ROCK1: variants seen among roughly 807,000 people sequenced by gnomAD.
ROCK1 encodes Rho associated coiled-coil containing protein kinase 1.
A neutral mutation model predicts 196.8 loss-of-function variants in ROCK1; 36 were observed. The observed-to-expected ratio is 0.18, with a 90% CI of 0.14 to 0.24. The LOEUF is 0.24. Ranked by LOEUF, ROCK1 falls within the 10% of genes least tolerant of loss-of-function variation. ROCK1 has a pLI of 1.00. For synonymous variants in ROCK1, 443 were observed against 515.9 expected, an observed-to-expected ratio of 0.86 and a Z score of 1.91; for missense variants, 920 against 1,562.0, an observed-to-expected ratio of 0.59 and a Z score of 6.93.
intron 29 of ROCK1, among the ~76,000 whole-genome samples, chr18:20,959,161 A>G (rs1435915547): frequency 2.7e-5 from 2 of 73,662 alleles, no homozygotes; most frequent in Non-Finnish European, 4.6e-5. Flanking sequence ...TATATATTAT[A>G]TATTATATAA....
chr18:21,107,585 G>A (rs1383051581), intron 1 of ROCK1, among the ~76,000 whole-genome samples: 1 of 152,134 alleles, frequency 6.6e-6, no homozygotes, highest in Non-Finnish European at 1.5e-5. Context: ...AGTCCAGATA[G>A]GGAAGAACAA....
intron 16 of ROCK1, among the ~76,000 whole-genome samples, chr18:21,003,255 G>A (rs116069164): frequency 7.9e-4 from 120 of 152,100 alleles, no homozygotes; most frequent in African/African-American, 2.2e-3. Context: ...TTCTTTAACC[G>A]AAAACAACAG....
intron 1 of ROCK1, among the ~76,000 whole-genome samples, chr18:21,091,325 C>T (rs1013868850): frequency 2.0e-5 from 3 of 151,532 alleles, no homozygotes; most frequent in Admixed American, 2.0e-4. Flanking sequence ...TATATAATAG[C>T]CAGGAATGGT....
intron 2 of ROCK1, among the ~76,000 whole-genome samples, chr18:21,050,586 G>T (rs1459493376): frequency 6.6e-6 from 1 of 152,032 alleles, no homozygotes; most frequent in Non-Finnish European, 1.5e-5. Context: ...GTCAACACTG[G>T]CATGAGATTA....
chr18:21,074,870 T>C (rs753790259), intron 1 of ROCK1, among the ~76,000 whole-genome samples: 5 of 151,782 alleles, frequency 3.3e-5, no homozygotes, highest in Non-Finnish European at 5.9e-5. Context: ...ACAGAGAAGA[T>C]GAAATTTGAG....
At position 20,982,838 on chromosome 18, in the gene ROCK1, G is replaced by A. The variant is rs759493671; in HGVS notation, c.2490-6C>T. ...CTTCATTTCCTCTATACTGTCTTCA[G>A]ATGAAAAGAAAAACAAGTGAACAAA... On this transcript the variant is annotated splice_region_variant and splice_polypyrimidine_tract_variant and intron_variant, in intron 20 of 32. Coordinates refer to ENST00000399799, the MANE Select transcript of ROCK1 (RefSeq NM_005406.3). The A allele has an allele frequency of 2.7e-6, 4 of 1,466,364 alleles. No individual in the cohort carries two copies. The South Asian group carries it at 4.8e-5, about 18-fold the overall frequency. The allele number at this position is 1,466,364 out of a possible 1,614,324, so 90.8% of individuals were successfully genotyped here.
chr18:20,986,175 T>TTA (rs1443052541), intron 19 of ROCK1, among the ~76,000 whole-genome samples: 1 of 152,060 alleles, frequency 6.6e-6, no homozygotes, highest in Non-Finnish European at 1.5e-5. Context: ...ATGGAAGTTT[T>TTA]AAAGAGTATC....
chr18:20,972,420 C>T (rs1324294868), intron 22 of ROCK1, among the ~76,000 whole-genome samples: 1 of 152,034 alleles, frequency 6.6e-6, no homozygotes, highest in Non-Finnish European at 1.5e-5. Context: ...CAGCTGGATA[C>T]GTAAGTCTGG....
intron 11 of ROCK1, among the ~76,000 whole-genome samples, chr18:21,022,360 T>C (rs1159562106): frequency 1.3e-5 from 2 of 152,186 alleles, no homozygotes; most frequent in East Asian, 3.8e-4. Context: ...AAATGTATTT[T>C]CTGGAGTAAT....
At position 21,012,093 on chromosome 18, in the gene ROCK1, A is replaced by G. The variant is rs114478659; in HGVS notation, c.1410+3338T>C. 5.2e-3 allele frequency among the ~76,000 whole-genome samples: 798 copies of G among 152,132 alleles called. 5 individuals are homozygous for G. The highest frequency in any genetic ancestry group is 0.018 in the African/African-American group (762 of 41,486). On this transcript the variant is annotated intron_variant, in intron 13 of 32. Transcript: ENST00000399799. ...CTCCTGAGTAGCTAGGATTACAAGT[A>G]CACGCTACCACACTTGGCTAATTTT...
At chr18:20,958,748 T>A (rs1409326948) in intron 29 of ROCK1, among the ~76,000 whole-genome samples, 1 of 149,760 alleles carries the variant, frequency 6.7e-6, no homozygotes. Flanking sequence ...CATCCTCCTG[T>A]ATGCTTTAAA....
intron 9 of ROCK1, among the ~76,000 whole-genome samples, chr18:21,032,685 ATT>A (rs539290410): frequency 8.3e-4 from 105 of 126,272 alleles, no homozygotes; most frequent in African/African-American, 2.4e-3. Context: ...ATGCCTGGCT[ATT>A]TTTTTTTTTT....
intron 13 of ROCK1, among the ~76,000 whole-genome samples, chr18:21,015,159 T>C (rs1031954124): frequency 6.6e-6 from 1 of 152,208 alleles, no homozygotes; most frequent in African/African-American, 2.4e-5. Flanking sequence ...CTCTGGCTCC[T>C]TTCTCACATT....
intron 22 of ROCK1, among the ~76,000 whole-genome samples, chr18:20,975,404 G>A (rs574559796): frequency 6.6e-6 from 1 of 152,096 alleles, no homozygotes; most frequent in African/African-American, 2.4e-5. Flanking sequence ...TAGAAATAAG[G>A]CTAATCAGGC....
At chr18:21,056,652 C>T (rs2036247389) in intron 2 of ROCK1, among the ~76,000 whole-genome samples, 1 of 152,176 alleles carries the variant, frequency 6.6e-6, no homozygotes, top group African/African-American at 2.4e-5. Context: ...CATGTCACTT[C>T]TCTGCTCAAA....
intron 5 of ROCK1, among the ~76,000 whole-genome samples, chr18:21,044,664 C>T (rs1871191279): frequency 6.6e-6 from 1 of 152,092 alleles, no homozygotes; most frequent in Non-Finnish European, 1.5e-5. Flanking sequence ...TAATTAAAAG[C>T]AAATTAAGTT....
At chr18:20,981,758 G>GA (rs2035535480) in intron 21 of ROCK1, among the ~76,000 whole-genome samples, 1 of 151,964 alleles carries the variant, frequency 6.6e-6, no homozygotes. Context: ...GAATGCAAAT[G>GA]AAAAAAGAAT....
intron 18 of ROCK1, among the ~76,000 whole-genome samples, chr18:20,989,488 G>A (rs530375766): frequency 2.2e-4 from 33 of 152,294 alleles, no homozygotes; most frequent in Middle Eastern, 3.4e-3. Flanking sequence ...AAGACTTTTA[G>A]AAGTTTGGAT....
intron 12 of ROCK1, among the ~76,000 whole-genome samples, chr18:21,016,966 C>T (rs561199700): frequency 6.6e-6 from 1 of 152,084 alleles, no homozygotes; most frequent in East Asian, 1.9e-4. Context: ...TTCCTTCCCT[C>T]ACATCTTACT....
Sources: allele counts gnomAD v4.1 joint callset (sites outside exome capture counted in the v4.1 genomes callset), GRCh38; gene constraint gnomAD v4.1.1; transcripts MANE v1.5; gene names NCBI Gene and HGNC (gene_info 2026-07-23, HGNC 2026-07-21).